The following DCAF6 variants were observed in gnomAD, a reference collection of about 807,000 sequenced individuals.
DCAF6 encodes the protein DDB1 and CUL4 associated factor 6, also known as DDB1- and CUL4-associated factor 6.
In DCAF6, 54 loss-of-function variants were observed where a neutral mutation model predicts 125.1. The observed-to-expected ratio is 0.43, with a 90% CI of 0.35 to 0.54. DCAF6 has a LOEUF of 0.54. Among genes scored for constraint, DCAF6 ranks in the 20% least tolerant of loss-of-function variants. DCAF6 has a pLI of 0.01. For synonymous variants in DCAF6, 371 were observed against 390.4 expected (o/e 0.95, Z 0.58); for missense variants, 934 against 1,161.7 (o/e 0.80, Z 2.85).
rs1386632483 is a variant in DCAF6 at position 167,937,004 on chromosome 1, C to T, written c.93C>T (p.Tyr31=). The T allele has an allele frequency of 6.2e-7, 1 of 1,608,406 alleles. No individual in the cohort carries two copies. The highest frequency in any genetic ancestry group is 8.5e-7 in the Non-Finnish European group (1 of 1,178,112). ...LEDPSRLRSR[Y]LGRREFIQRL... is the part of the protein sequence containing the mutation. Reference sequence around the variant, plus strand: ...ACCCGTCCCGGCTGCGGAGTCGCTACCTGGGTGAGCGGGGGCCCCGGGGCG... The same window carrying T: ...ACCCGTCCCGGCTGCGGAGTCGCTATCTGGGTGAGCGGGGGCCCCGGGGCG... Residue 31 remains tyrosine, a synonymous_variant, in exon 1 of 22, where the codon TAC becomes TAT. Transcript: ENST00000367840.
chr1:167,966,850 A>T (rs1676490484), intron 3 of DCAF6, 129 bp downstream of exon 3: 5 of 613,944 alleles, frequency 8.1e-6, no homozygotes, highest in Non-Finnish European at 1.4e-5. Flanking sequence ...GCTGAGGTTT[A>T]TTGTATAATT....
chr1:167,920,770 T>G, the DCAF6 span: 1 of 859,022 alleles, frequency 1.2e-6, no homozygotes, highest in South Asian at 2.0e-5. Context: ...TAAGAAAATG[T>G]AGATTACAAC....
chr1:168,003,009 T>C (rs190564898), intron 8 of DCAF6, among the ~76,000 whole-genome samples: 76 of 152,254 alleles, frequency 5.0e-4, no homozygotes, highest in Middle Eastern at 3.4e-3. Context: ...AGCTTTAAGA[T>C]AGCACACTTG....
intron 12 of DCAF6, among the ~76,000 whole-genome samples, chr1:168,034,832 A>G (rs1283942955): frequency 6.6e-6 from 1 of 152,188 alleles, no homozygotes; most frequent in East Asian, 1.9e-4. Flanking sequence ...GAAAAATACA[A>G]TTTTTAGAAT....
chr1:168,037,053 CCT>C (rs952371737), intron 12 of DCAF6, among the ~76,000 whole-genome samples: 4 of 151,218 alleles, frequency 2.6e-5, no homozygotes, highest in Non-Finnish European at 5.9e-5. Context: ...TGTTAATTGT[CCT>C]CTCACAGAAT....
intron 1 of DCAF6, among the ~76,000 whole-genome samples, chr1:167,942,331 T>C (rs1223855030): frequency 6.6e-6 from 1 of 152,256 alleles, no homozygotes; most frequent in Admixed American, 6.5e-5. Context: ...CCCAAAGTGC[T>C]GGGATTACAA....
rs921049672 is a variant in DCAF6 at position 168,057,279 on chromosome 1, C to T, written c.2301-6342C>T. 3.3e-5 allele frequency among the ~76,000 whole-genome samples: 5 copies of T among 152,000 alleles called. No individual in the cohort carries two copies. In the East Asian group the frequency reaches 9.6e-4, roughly 29 times the overall value. On this transcript the variant is annotated intron_variant, in intron 17 of 21. Coordinates refer to ENST00000367840, the MANE Select transcript of DCAF6 (RefSeq NM_001198956.2). ...TAATGAATTTCTGCTTATATTTTAG[C>T]CTAGTTTTTTACTAAATGTGACTAG...
chr1:167,955,246 C>T (rs906235084), intron 2 of DCAF6, among the ~76,000 whole-genome samples: 5 of 152,134 alleles, frequency 3.3e-5, no homozygotes, highest in African/African-American at 4.8e-5. Flanking sequence ...ATTCGTGTTG[C>T]GTCTTTGTAT....
chr1:168,060,242 T>C lies in DCAF6; in HGVS notation c.2301-3379T>C, dbSNP rs559208945. ...GTTACCCAGGCTGGAATACATGGCA[T>C]GATCTTAGCTCACTGCATCCTGTAA... On this transcript the variant is annotated intron_variant, in intron 17 of 21. Transcript: ENST00000367840. Among the ~76,000 whole-genome samples the C allele has an allele frequency of 3.0e-4, 45 of 152,240 alleles. 1 individual carries two copies. The South Asian group carries it at 8.9e-3, about 30-fold the overall frequency.
At chr1:167,953,891 TC>T (rs1325635513) in intron 2 of DCAF6, among the ~76,000 whole-genome samples, 1 of 152,048 alleles carries the variant, frequency 6.6e-6, no homozygotes, top group Non-Finnish European at 1.5e-5. Flanking sequence ...AAGCCACTGT[TC>T]CTGGCCCAAC....
At chr1:167,911,875 T>C in the DCAF6 span, among the ~76,000 whole-genome samples, 1 of 152,216 alleles carries the variant, frequency 6.6e-6, no homozygotes, top group Non-Finnish European at 1.5e-5. Context: ...CAGATTTTTC[T>C]GTTTATGATG....
At chr1:168,001,565 C>T (rs190952185) in intron 7 of DCAF6, among the ~76,000 whole-genome samples, 1 of 152,200 alleles carries the variant, frequency 6.6e-6, no homozygotes, top group East Asian at 1.9e-4. Context: ...AGAATTTTCT[C>T]AAGAAGCTTA....
intron 11 of DCAF6, 106 bp downstream of exon 11, chr1:168,016,057 G>A (rs544103840): frequency 7.0e-6 from 7 of 996,628 alleles, no homozygotes; most frequent in East Asian, 3.2e-5. Context: ...GAGCTAATGC[G>A]CTTGCAGCTT....
chr1:168,020,455 A>G (rs1041931113), intron 11 of DCAF6, among the ~76,000 whole-genome samples: 1 of 152,208 alleles, frequency 6.6e-6, no homozygotes, highest in African/African-American at 2.4e-5. Flanking sequence ...TTTTGGAAAT[A>G]CACAGTAATT....
the DCAF6 span, among the ~76,000 whole-genome samples, chr1:167,869,473 C>A: frequency 6.6e-6 from 1 of 152,140 alleles, no homozygotes; most frequent in Non-Finnish European, 1.5e-5. Context: ...TTGTTTTATA[C>A]TCAGAAAAGG....
chr1:167,978,573 GTTA>G (rs774555211), intron 4 of DCAF6, among the ~76,000 whole-genome samples: 37 of 151,992 alleles, frequency 2.4e-4, no homozygotes, highest in Admixed American at 3.9e-4. Context: ...ATTTTATTTT[GTTA>G]TTATTAATTT....
intron 7 of DCAF6, among the ~76,000 whole-genome samples, chr1:167,994,344 A>G (rs1366052843): frequency 6.6e-6 from 1 of 152,184 alleles, no homozygotes. Flanking sequence ...GATTAAAATA[A>G]TAGAAAATAT....
chr1:167,984,978 T>C (rs1571803974), intron 4 of DCAF6, among the ~76,000 whole-genome samples: 2 of 152,126 alleles, frequency 1.3e-5, no homozygotes, highest in East Asian at 3.9e-4. Context: ...GAAAGGCATG[T>C]CTCACATGAC....
chr1:167,927,682 T>TAAAA, the DCAF6 span, among the ~76,000 whole-genome samples: 1,320 of 151,168 alleles, frequency 8.7e-3, 17 homozygotes, highest in African/African-American at 0.031. Context: ...CCTTTGGGGT[T>TAAAA]AATAGTCGAT....
Sources: allele counts gnomAD v4.1 joint callset (sites outside exome capture counted in the v4.1 genomes callset), GRCh38; gene constraint gnomAD v4.1.1; transcripts MANE v1.5; gene names NCBI Gene and HGNC (gene_info 2026-07-23, HGNC 2026-07-21).